The following NRG3 variants were observed in gnomAD, a reference collection of about 807,000 sequenced individuals.
NRG3 encodes neuregulin 3.
A neutral mutation model predicts 66.9 loss-of-function variants in NRG3; 31 were observed. The ratio of observed to expected loss-of-function variants is 0.46; its 90% CI spans 0.35 to 0.63. The LOEUF is 0.63. Ranked by LOEUF, NRG3 falls within the 20% of genes least tolerant of loss-of-function variation. The probability of loss-of-function intolerance (pLI) is 0.00; values close to 1 mark genes in which losing one functional copy is unlikely to be tolerated. For synonymous variants in NRG3, 393 were observed against 359.4 expected (o/e 1.09, Z -1.06); for missense variants, 910 against 878.9 (o/e 1.04, Z -0.45).
At chr10:82,242,504 G>A (rs938536883) in intron 1 of NRG3, among the ~76,000 whole-genome samples, 4 of 152,142 alleles carry the variant, frequency 2.6e-5, no homozygotes, top group African/African-American at 9.7e-5. Flanking sequence ...GTGAAATGTA[G>A]TCAATTTAAA....
At chr10:81,884,967 T>C (rs1842504212) in intron 1 of NRG3, among the ~76,000 whole-genome samples, 2 of 152,184 alleles carry the variant, frequency 1.3e-5, no homozygotes, top group Non-Finnish European at 2.9e-5. Flanking sequence ...ATCTTCTTTT[T>C]TAAGTATGCA....
chr10:82,728,662 C>T (rs1328843647), intron 2 of NRG3, among the ~76,000 whole-genome samples: 3 of 152,184 alleles, frequency 2.0e-5, no homozygotes, highest in African/African-American at 7.2e-5. Flanking sequence ...TAGTCAATTA[C>T]TCTTCTGATT....
chr10:82,149,480 T>A (rs1251594731), intron 1 of NRG3, among the ~76,000 whole-genome samples: 1 of 152,188 alleles, frequency 6.6e-6, no homozygotes, highest in Non-Finnish European at 1.5e-5. Context: ...TGTGTTTTAT[T>A]GCCTGTGAGC....
chr10:82,494,140 G>A (rs1003309174), intron 2 of NRG3, among the ~76,000 whole-genome samples: 1 of 152,140 alleles, frequency 6.6e-6, no homozygotes, highest in Non-Finnish European at 1.5e-5. Context: ...CACTATTGGA[G>A]GGAATGTAAA....
intron 1 of NRG3, among the ~76,000 whole-genome samples, chr10:82,055,075 A>C (rs2063770484): frequency 6.6e-6 from 1 of 151,988 alleles, no homozygotes; most frequent in South Asian, 2.1e-4. Context: ...AAAGAAAGGA[A>C]AAGAACAGAA....
At chr10:82,483,235 A>G (rs1842426991) in intron 2 of NRG3, among the ~76,000 whole-genome samples, 1 of 152,210 alleles carries the variant, frequency 6.6e-6, no homozygotes, top group Non-Finnish European at 1.5e-5. Flanking sequence ...GACTAACACA[A>G]TGATGATGCT....
chr10:82,034,630 G>A (rs1260168925), intron 1 of NRG3, among the ~76,000 whole-genome samples: 2 of 152,188 alleles, frequency 1.3e-5, no homozygotes, highest in Middle Eastern at 6.8e-3. Flanking sequence ...ACTGGGGAAT[G>A]CATTCATTCC....
chr10:82,164,141 G>A (rs1016065382), intron 1 of NRG3, among the ~76,000 whole-genome samples: 2 of 151,982 alleles, frequency 1.3e-5, no homozygotes, highest in Admixed American at 6.6e-5. Flanking sequence ...GGCTGGTCTC[G>A]AACTCCTAAC....
intron 2 of NRG3, among the ~76,000 whole-genome samples, chr10:82,364,488 A>G (rs1156760699): frequency 1.3e-5 from 2 of 152,180 alleles, no homozygotes; most frequent in African/African-American, 4.8e-5. Flanking sequence ...TTTCATTTTT[A>G]TGCCATTTCT....
At chr10:82,278,432 C>G (rs1453192734) in intron 1 of NRG3, among the ~76,000 whole-genome samples, 3 of 151,944 alleles carry the variant, frequency 2.0e-5, no homozygotes, top group Non-Finnish European at 4.4e-5. Context: ...ATTAGTGATA[C>G]CTGGTAGCTG....
intron 2 of NRG3, among the ~76,000 whole-genome samples, chr10:82,430,641 G>C (rs1408804336): frequency 6.6e-6 from 1 of 151,974 alleles, no homozygotes; most frequent in African/African-American, 2.4e-5. Flanking sequence ...TTTTGCTTTT[G>C]TTATTTCTAC....
At chr10:82,136,756 G>A (rs1406281885) in intron 1 of NRG3, among the ~76,000 whole-genome samples, 1 of 152,140 alleles carries the variant, frequency 6.6e-6, no homozygotes, top group African/African-American at 2.4e-5. Context: ...CCACTGGGAT[G>A]GATGACTCCC....
intron 1 of NRG3, among the ~76,000 whole-genome samples, chr10:82,272,584 A>G (rs1241310575): frequency 6.6e-6 from 1 of 152,074 alleles, no homozygotes; most frequent in East Asian, 1.9e-4. Flanking sequence ...TCTAGATTCA[A>G]ATTTTCTCCC....
intron 1 of NRG3, among the ~76,000 whole-genome samples, chr10:82,011,458 G>C (rs1286689040): frequency 6.6e-6 from 1 of 152,088 alleles, no homozygotes; most frequent in South Asian, 2.1e-4. Context: ...CAAATCTCAT[G>C]TCCTCACATT....
At chr10:82,962,310 C>A (rs771230542) in intron 6 of NRG3, among the ~76,000 whole-genome samples, 9 of 152,180 alleles carry the variant, frequency 5.9e-5, no homozygotes, top group Non-Finnish European at 1.3e-4. Context: ...AGGAGTGAAA[C>A]TTCTCAGCCT....
intron 1 of NRG3, among the ~76,000 whole-genome samples, chr10:82,089,656 G>C (rs1174687048): frequency 3.3e-5 from 5 of 152,158 alleles, no homozygotes; most frequent in Non-Finnish European, 7.4e-5. Flanking sequence ...TATTTGTTAA[G>C]TTTTTGGTTT....
intron 2 of NRG3, among the ~76,000 whole-genome samples, chr10:82,675,410 T>C (rs2053614425): frequency 6.6e-6 from 1 of 152,108 alleles, no homozygotes; most frequent in Admixed American, 6.5e-5. Flanking sequence ...GAGCAGTTGG[T>C]GAGTCCAGGT....
intron 4 of NRG3, among the ~76,000 whole-genome samples, chr10:82,931,961 A>T (rs1370895677): frequency 6.6e-6 from 1 of 152,216 alleles, no homozygotes. Context: ...TGAAATGAAG[A>T]TAAAATTCTT....
intron 1 of NRG3, among the ~76,000 whole-genome samples, chr10:81,989,473 T>C (rs76912123): frequency 0.054 from 8,271 of 152,210 alleles, 760 homozygotes; most frequent in African/African-American, 0.19. Context: ...GTGACTGTGA[T>C]GCAGAGATAG....
Sources: allele counts gnomAD v4.1 joint callset (sites outside exome capture counted in the v4.1 genomes callset), GRCh38; gene constraint gnomAD v4.1.1; transcripts MANE v1.5; gene names NCBI Gene and HGNC (gene_info 2026-07-23, HGNC 2026-07-21).